ILKAP: variants seen among roughly 807,000 people sequenced by gnomAD.
ILKAP encodes the protein ILK associated serine/threonine phosphatase, also known as integrin-linked kinase-associated serine/threonine phosphatase 2C.
ILKAP carries 11 observed loss-of-function variants against 49.1 expected under a neutral mutation model. The observed-to-expected ratio is 0.22, with a 90% CI of 0.14 to 0.37. The LOEUF (loss-of-function observed/expected upper bound fraction) is 0.37. Among genes scored for constraint, ILKAP ranks in the 10% least tolerant of loss-of-function variants. ILKAP has a pLI of 1.00. For missense variants in ILKAP, 363 were observed against 510.8 expected, an observed-to-expected ratio of 0.71 and a Z score of 2.79; for synonymous variants, 186 against 192.8, an observed-to-expected ratio of 0.96 and a Z score of 0.29.
chr2:238,193,008 G>A (rs540130548), intron 3 of ILKAP, among the ~76,000 whole-genome samples: 20 of 143,574 alleles, frequency 1.4e-4, no homozygotes, highest in East Asian at 9.7e-4. Context: ...GTGAGACTCC[G>A]TCTCAAGAAA....
chr2:238,173,622 A>T lies in ILKAP; in HGVS notation c.868T>A (p.Ser290Thr). The change falls in exon 10 of 12, where the codon TCA (serine) becomes ACA (threonine). Residue 290 changes from serine (S) to threonine (T), a missense_variant. Around this residue, in one of 3 missense-constraint regions of ILKAP, gnomAD observed 166 missense variants for 307.3 expected, o/e 0.54. Coordinates refer to ENST00000254654, the MANE Select transcript of ILKAP (RefSeq NM_030768.3). ...TACTGCCCGTCCCCAATGGAGCGTG[A>T]CACCTCTAGCACGCCCAAAACACGC... ...DGRVLGVLEV[S>T]RSIGDGQYKR... is the part of the protein sequence containing the mutation. The T allele has an allele frequency of 6.2e-7, 1 of 1,614,054 alleles. No homozygotes were observed. The highest frequency in any genetic ancestry group is 8.5e-7 in the Non-Finnish European group (1 of 1,179,940).
intron 1 of ILKAP, among the ~76,000 whole-genome samples, chr2:238,199,919 A>T (rs886574380): frequency 7.9e-5 from 12 of 151,992 alleles, no homozygotes; most frequent in African/African-American, 2.9e-4. Context: ...CCAGCCTCCA[A>T]TTTTTTTAAA....
Position 238,194,238 on chromosome 2 carries a change from A to T in ILKAP, c.178+37T>A, listed in dbSNP as rs374072537. The T allele has an allele frequency of 4.2e-5, 66 of 1,575,048 alleles. No homozygotes were observed. In the African/African-American group the frequency reaches 8.0e-4, roughly 19 times the overall value. On this transcript the variant is annotated intron_variant, in intron 3 of 11. Coordinates refer to ENST00000254654, the MANE Select transcript of ILKAP (RefSeq NM_030768.3). ...ACATAAGAGTAAAATACTATGTATT[A>T]TTTCCATCAGCACCTTGGATTTTTC...
chr2:238,188,409 C>A, intron 4 of ILKAP, 152 bp from the exon 5 acceptor site: 1 of 862,088 alleles, frequency 1.2e-6, no homozygotes, highest in Non-Finnish European at 1.7e-6. Context: ...AAGGCATCTC[C>A]CCCAGCTGCA....
intron 10 of ILKAP, among the ~76,000 whole-genome samples, chr2:238,171,453 G>A (rs143552733): frequency 9.9e-4 from 150 of 152,266 alleles, no homozygotes; most frequent in African/African-American, 3.5e-3. Flanking sequence ...GAGCCACAGC[G>A]CCTGGCCAGG....
chr2:238,179,397 A>G (rs1458111916), intron 9 of ILKAP, among the ~76,000 whole-genome samples: 1 of 152,248 alleles, frequency 6.6e-6, no homozygotes, highest in Non-Finnish European at 1.5e-5. Context: ...AGAAGAATCT[A>G]TGATGTTCTC....
intron 9 of ILKAP, among the ~76,000 whole-genome samples, chr2:238,174,261 T>C (rs759816602): frequency 1.3e-5 from 2 of 152,138 alleles, no homozygotes; most frequent in South Asian, 4.1e-4. Flanking sequence ...ATGGAGGAGA[T>C]GGGGCAGTGA....
chr2:238,194,177 C>T (rs1694255448), intron 3 of ILKAP, 98 bp downstream of exon 3: 2 of 1,018,130 alleles, frequency 2.0e-6, no homozygotes. Context: ...GACTTAATGT[C>T]ATCCAAAATC....
chr2:238,187,086 T>C (rs1161264452), intron 5 of ILKAP: 1 of 152,216 alleles, frequency 6.6e-6, no homozygotes, highest in South Asian at 2.1e-4. Context: ...ACACTGTCTC[T>C]ACAAAAAATT....
At chr2:238,201,317 T>C (rs954900975) in intron 1 of ILKAP, among the ~76,000 whole-genome samples, 6 of 152,212 alleles carry the variant, frequency 3.9e-5, no homozygotes, top group African/African-American at 7.2e-5. Context: ...TGGATCCCAA[T>C]TGTCACTCAT....
chr2:238,196,143 G>A (rs1180116595), intron 1 of ILKAP, among the ~76,000 whole-genome samples: 1 of 142,394 alleles, frequency 7.0e-6, no homozygotes, highest in Non-Finnish European at 1.5e-5. Flanking sequence ...GCCCAGGCTG[G>A]AGTGCAGTAA....
rs746328109 is a variant in ILKAP at position 238,170,585 on chromosome 2, C to T, written c.1130G>A (p.Arg377Gln). Residue 377 changes from arginine to glutamine, a missense_variant, in exon 12 of 12, where the codon CGG (arginine) becomes CAG (glutamine). Transcript: ENST00000254654. ...CACAGTGACGTTGTCGGCCGAGCCC[C>T]GCTGCACCGCCTTGTTGGCCAGCCT... is the stretch of plus-strand genomic sequence containing the variant. ...CNRLANKAVQ[R>Q]GSADNVTVMV... The T allele has an allele frequency of 1.9e-6, 3 of 1,608,192 alleles. No individual in the cohort carries two copies. The highest frequency in any genetic ancestry group is 1.7e-5 in the Admixed American group (1 of 59,850).
intron 5 of ILKAP, among the ~76,000 whole-genome samples, chr2:238,187,313 C>T (rs1693947350): frequency 6.6e-6 from 1 of 152,220 alleles, no homozygotes; most frequent in Non-Finnish European, 1.5e-5. Flanking sequence ...GCCATCACCT[C>T]ATCTCCATGA....
intron 1 of ILKAP, among the ~76,000 whole-genome samples, chr2:238,203,072 G>A (rs949474478): frequency 3.3e-5 from 5 of 151,878 alleles, no homozygotes; most frequent in African/African-American, 1.2e-4. Context: ...CACAGCCCGC[G>A]GGTGAAGTGC....
intron 5 of ILKAP, chr2:238,187,080 T>G (rs1041739746): frequency 2.0e-5 from 3 of 152,248 alleles, no homozygotes; most frequent in Non-Finnish European, 4.4e-5. Flanking sequence ...AAGGAGACAC[T>G]GTCTCTACAA....
At chr2:238,183,783 C>T (rs1309491083) in intron 7 of ILKAP, 43 bp from the exon 8 acceptor site, 24 of 1,446,624 alleles carry the variant, frequency 1.7e-5, no homozygotes, top group Non-Finnish European at 2.3e-5. Flanking sequence ...ACCAATAGCC[C>T]AGCACTTTGA....
chr2:238,174,544 G>A (rs1166763745), intron 9 of ILKAP, among the ~76,000 whole-genome samples: 1 of 152,214 alleles, frequency 6.6e-6, no homozygotes, highest in Non-Finnish European at 1.5e-5. Flanking sequence ...GCAAGTTCAG[G>A]AGATGCGGTG....
intron 3 of ILKAP, among the ~76,000 whole-genome samples, chr2:238,193,932 T>C (rs1694246862): frequency 6.6e-6 from 1 of 152,262 alleles, no homozygotes; most frequent in African/African-American, 2.4e-5. Flanking sequence ...CTAGCCTCGA[T>C]ACATTTGAGT....
intron 7 of ILKAP, 39 bp downstream of exon 7, chr2:238,183,981 A>G (rs746123574): frequency 2.3e-6 from 3 of 1,279,026 alleles, no homozygotes; most frequent in Non-Finnish European, 2.3e-6. Flanking sequence ...AAAACACCAC[A>G]CACAGTCCAC....
Sources: gnomAD v4.1 joint callset for allele counts (sites outside exome capture counted in the v4.1 genomes callset) on GRCh38, gnomAD v4.1.1 for gene constraint, gnomAD v4.1.1 regional missense constraint, MANE v1.5 for transcripts, NCBI Gene and HGNC (gene_info 2026-07-23, HGNC 2026-07-21) for gene names.